MINK1: variants seen among roughly 807,000 people sequenced by gnomAD.
MINK1 encodes misshapen like kinase 1, also known as misshapen-like kinase 1.
Under a neutral mutation model 178.4 loss-of-function variants are expected in MINK1, and 46 were observed. That is an observed-to-expected ratio of 0.26 (90% CI 0.20 to 0.33). The LOEUF (loss-of-function observed/expected upper bound fraction) is 0.33. Among genes scored for constraint, MINK1 ranks in the 10% least tolerant of loss-of-function variants. The probability of loss-of-function intolerance (pLI) is 1.00; values close to 1 mark genes in which losing one functional copy is unlikely to be tolerated. For synonymous variants in MINK1, 797 were observed against 709.7 expected, an observed-to-expected ratio of 1.12 and a Z score of -1.96; for missense variants, 1,366 against 1,814.9, an observed-to-expected ratio of 0.75 and a Z score of 4.49.
At chr17:4,876,607 A>T (rs1730486246) in intron 1 of MINK1, among the ~76,000 whole-genome samples, 2 of 151,796 alleles carry the variant, frequency 1.3e-5, no homozygotes, top group Middle Eastern at 3.4e-3. Flanking sequence ...CCTCCCAGAA[A>T]CCCTATGTTA....
At chr17:4,880,689 G>T (rs953271022) in intron 2 of MINK1, among the ~76,000 whole-genome samples, 1 of 150,740 alleles carries the variant, frequency 6.6e-6, no homozygotes, top group African/African-American at 2.4e-5. Context: ...CACGAGGTCA[G>T]GAGATCGAGA....
intron 1 of MINK1, among the ~76,000 whole-genome samples, chr17:4,858,045 G>GT (rs1567573578): frequency 6.6e-6 from 1 of 152,084 alleles, no homozygotes; most frequent in East Asian, 1.9e-4. Context: ...GGGGTTTAGG[G>GT]TTAGTAATCT....
Position 4,887,314 on chromosome 17 carries a change from C to A in MINK1, c.1019+135C>A. On this transcript the variant is annotated intron_variant, in intron 11 of 31. Transcript: ENST00000355280. This position sits in a 1 kb window ranked among gnomAD's most constrained non-coding sequence, Gnocchi z 7.6. Reference sequence around the variant, plus strand: ...GTAGAGACTCCTGGAAACCAAATTTCTGAGTGCTAAGAAGTGGAACCAATG... The same window carrying A: ...GTAGAGACTCCTGGAAACCAAATTTATGAGTGCTAAGAAGTGGAACCAATG... 2.1e-6 allele frequency: 2 copies of A among 941,362 alleles called. No homozygotes were observed. Among genetic ancestry groups the A allele is most frequent in the Non-Finnish European group, 3.3e-6 (2 of 614,254 alleles). The allele number at this position is 941,362 out of a possible 1,614,324, so 58.3% of individuals were successfully genotyped here.
chr17:4,851,921 A>AT (rs1325282299), intron 1 of MINK1, among the ~76,000 whole-genome samples: 1 of 144,838 alleles, frequency 6.9e-6, no homozygotes, highest in African/African-American at 2.6e-5. Context: ...AATCACTTGA[A>AT]TCGGGGAGGC....
chr17:4,871,837 G>T (rs1173288029), intron 1 of MINK1, among the ~76,000 whole-genome samples: 1 of 152,142 alleles, frequency 6.6e-6, no homozygotes, highest in Non-Finnish European at 1.5e-5. Context: ...CAACGCTTTT[G>T]ATTGTCCATC....
chr17:4,869,534 C>T (rs1310265690), intron 1 of MINK1, among the ~76,000 whole-genome samples: 1 of 151,996 alleles, frequency 6.6e-6, no homozygotes, highest in African/African-American at 2.4e-5. Context: ...GCCTCGGCCT[C>T]CCAAAGTGCT....
At chr17:4,884,820 T>A in intron 5 of MINK1, 92 bp from the exon 6 acceptor site, 4 of 1,120,722 alleles carry the variant, frequency 3.6e-6, no homozygotes, top group Non-Finnish European at 5.3e-6. Flanking sequence ...CTGTCCAGAC[T>A]GACTGCTCCT....
chr17:4,896,975 T>C lies in MINK1; in HGVS notation c.3915+162T>C. 9.2e-7 allele frequency: 1 copy of C among 1,089,470 alleles called. No individual in the cohort carries two copies. The allele number at this position is 1,089,470 out of a possible 1,614,324, so 67.5% of individuals were successfully genotyped here. A position where few individuals can be genotyped will look rare whatever the true frequency, so the allele number is the denominator to read the frequency against. On this transcript the variant is annotated intron_variant, in intron 31 of 31. Coordinates refer to ENST00000355280, the MANE Select transcript of MINK1 (RefSeq NM_153827.5). The surrounding 1 kb of genome is among the most constrained non-coding windows in gnomAD (Gnocchi z 4.6). Reference sequence around the variant, plus strand: ...GCCACTACCACTGCCCTGCGCTCCCTTCAGATTCCGAGGACTTCCCAGCTG... The same window carrying C: ...GCCACTACCACTGCCCTGCGCTCCCCTCAGATTCCGAGGACTTCCCAGCTG...
At chr17:4,881,459 C>T (rs775878376) in intron 4 of MINK1, among the ~76,000 whole-genome samples, 2 of 152,198 alleles carry the variant, frequency 1.3e-5, no homozygotes, top group Non-Finnish European at 2.9e-5. Context: ...ACTGCAGCAT[C>T]TCATCCTTTG....
intron 1 of MINK1, among the ~76,000 whole-genome samples, chr17:4,855,063 C>T (rs909490402): frequency 2.0e-5 from 3 of 151,910 alleles, no homozygotes; most frequent in African/African-American, 7.3e-5. Context: ...AAAAGATTAG[C>T]CGGGCGTGGT....
intron 1 of MINK1, among the ~76,000 whole-genome samples, chr17:4,850,519 G>GCCCCCCCCCCCC (rs34173368): frequency 6.9e-6 from 1 of 144,892 alleles, no homozygotes; most frequent in Non-Finnish European, 1.5e-5. Flanking sequence ...CTTCCTGCTG[G>GCCCCCCCCCCCC]CCCCCCCCGC....
At chr17:4,876,016 C>T (rs564732818) in intron 1 of MINK1, among the ~76,000 whole-genome samples, 58 of 152,040 alleles carry the variant, frequency 3.8e-4, no homozygotes, top group African/African-American at 1.2e-3. Flanking sequence ...AGGATGGTCT[C>T]GATACCCTGA....
At chr17:4,842,589 G>A (rs963879606) in intron 1 of MINK1, among the ~76,000 whole-genome samples, 12 of 152,272 alleles carry the variant, frequency 7.9e-5, no homozygotes, top group African/African-American at 2.4e-4. Context: ...AGATTTTCAT[G>A]TTCTCTTTTC....
chr17:4,892,849 G>A (rs2151056460), intron 19 of MINK1, 81 bp downstream of exon 19: 1 of 1,426,528 alleles, frequency 7.0e-7, no homozygotes. Context: ...GCTTTGGACT[G>A]GGGCACCCAC....
At chr17:4,876,762 G>A (rs985390929) in intron 1 of MINK1, among the ~76,000 whole-genome samples, 2 of 152,106 alleles carry the variant, frequency 1.3e-5, no homozygotes, top group Non-Finnish European at 2.9e-5. Flanking sequence ...GTGGGGACGG[G>A]CCCACCCAGT....
chr17:4,854,123 C>T (rs746160830), intron 1 of MINK1, among the ~76,000 whole-genome samples: 3 of 152,122 alleles, frequency 2.0e-5, no homozygotes, highest in Admixed American at 6.6e-5. Flanking sequence ...CCCACTTCCC[C>T]GGCTCAGCAT....
intron 1 of MINK1, among the ~76,000 whole-genome samples, chr17:4,862,765 C>T (rs542650986): frequency 5.9e-4 from 90 of 152,210 alleles, no homozygotes; most frequent in African/African-American, 2.1e-3. Flanking sequence ...GGGCGTGTGG[C>T]TCATGCCTGT....
rs979349336 is a variant in MINK1, at chr17:4,881,037, G to A, written c.177G>A (p.Thr59=). The A allele has an allele frequency of 1.4e-5, 22 of 1,532,082 alleles. No individual in the cohort carries two copies. Among genetic ancestry groups the A allele is most frequent in the African/African-American group, 2.7e-5 (2 of 72,912 alleles). The allele number at this position is 1,532,082 out of a possible 1,614,324, so 94.9% of individuals were successfully genotyped here. Residue 59 remains threonine (T), a synonymous_variant, in exon 3 of 32, where the codon ACG becomes ACA. Coordinates refer to ENST00000355280, the MANE Select transcript of MINK1 (RefSeq NM_153827.5). The stretch of plus-strand genomic sequence containing the variant: ...CTGCCATCAAGGTCATGGATGTCAC[G>A]GAGGTAGGGAGTGGAGCTGGGCAGT... ...QLAAIKVMDV[T]EDEEEEIKQE...
At chr17:4,838,922 A>G (rs1224628113) in intron 1 of MINK1, among the ~76,000 whole-genome samples, 1 of 151,620 alleles carries the variant, frequency 6.6e-6, no homozygotes, top group African/African-American at 2.4e-5. Flanking sequence ...ACCCAAGCAA[A>G]GCAATGCCTT....
Sources: gnomAD v4.1 joint callset for allele counts (sites outside exome capture counted in the v4.1 genomes callset) on GRCh38, gnomAD v4.1.1 for gene constraint, Gnocchi (gnomAD v3.1) non-coding constraint, MANE v1.5 for transcripts, NCBI Gene and HGNC (gene_info 2026-07-23, HGNC 2026-07-21) for gene names.